CEP131: variants seen among roughly 807,000 people sequenced by gnomAD.
CEP131 encodes centrosomal protein of 131 kDa.
CEP131 carries 99 observed loss-of-function variants against 136.8 expected under a neutral mutation model. The ratio of observed to expected loss-of-function variants is 0.72; its 90% CI spans 0.62 to 0.86. The LOEUF is 0.86. Ranked by LOEUF, CEP131 falls within the 40% of genes least tolerant of loss-of-function variation. The pLI, the probability that CEP131 is intolerant of heterozygous loss-of-function variation, is 0.00. For missense variants in CEP131, 1,459 were observed against 1,463.0 expected (o/e 1.00, Z 0.04); for synonymous variants, 646 against 612.7 (o/e 1.05, Z -0.80).
At position 81,202,215 on chromosome 17, in the gene CEP131, C is replaced by T. The variant is rs577400492; in HGVS notation, c.788+25G>A. The T allele has an allele frequency of 8.4e-6, 13 of 1,546,404 alleles. No individual in the cohort carries two copies. In the East Asian group the frequency reaches 2.6e-4, roughly 32 times the overall value. On this transcript the variant is annotated intron_variant, in intron 7 of 25. Transcript: ENST00000450824. ...CCTCTGTGTTCTAGGCTCAGGCCCCCCCCCACCGCCCCAAGATCGGTCACC... is the reference window on the plus strand; with the variant it reads ...CCTCTGTGTTCTAGGCTCAGGCCCCTCCCCACCGCCCCAAGATCGGTCACC...
At chr17:81,205,476 A>G (rs1598300171) in intron 5 of CEP131, among the ~76,000 whole-genome samples, 1 of 6,050 alleles carries the variant, frequency 1.7e-4, no homozygotes, top group Non-Finnish European at 3.2e-4. Flanking sequence ...GCGCGGGGGT[A>G]GGAGGGGCAG....
At chr17:81,216,856 C>T (rs966960453) in intron 2 of CEP131, among the ~76,000 whole-genome samples, 1 of 152,194 alleles carries the variant, frequency 6.6e-6, no homozygotes, top group Non-Finnish European at 1.5e-5. Flanking sequence ...CTCCATTTTC[C>T]TGGGGTCAGT....
rs1212640437 is a variant in CEP131 at position 81,221,129 on chromosome 17, A to AC, written c.-17-1057_-17-1056insG. 4.0e-5 allele frequency among the ~76,000 whole-genome samples: 6 copies of AC among 150,750 alleles called. No homozygotes were observed. The East Asian group carries it at 1.2e-3, about 30-fold the overall frequency. On this transcript the variant is annotated intron_variant, in intron 1 of 25. Coordinates refer to ENST00000450824, the MANE Select transcript of CEP131 (RefSeq NM_014984.4). ...AACATAGCGAGACTCCATCTCAAAA[A>AC]AAAAAAAAAAAAAAAAACGCGGGAG...
intron 2 of CEP131, among the ~76,000 whole-genome samples, chr17:81,210,291 G>A (rs1344627875): frequency 1.3e-5 from 2 of 152,190 alleles, no homozygotes; most frequent in African/African-American, 2.4e-5. Flanking sequence ...GATGGAGACC[G>A]CCGGGCGCGG....
intron 5 of CEP131, among the ~76,000 whole-genome samples, chr17:81,204,846 A>G (rs1236104432): frequency 2.0e-5 from 3 of 152,190 alleles, no homozygotes; most frequent in Non-Finnish European, 2.9e-5. Context: ...ACAAACGTTC[A>G]ACAGCTGGTT....
chr17:81,191,968 G>C (rs932600011), intron 21 of CEP131, among the ~76,000 whole-genome samples: 1 of 152,112 alleles, frequency 6.6e-6, no homozygotes, highest in African/African-American at 2.4e-5. Context: ...CAGAGGCTAA[G>C]GGGGGAGCCC....
rs1567850713 is a variant in CEP131 at position 81,194,056 on chromosome 17, C to T, written c.2191G>A (p.Glu731Lys). ...QEVRRLKSLH[E>K]AELLQSDERA... is the part of the protein sequence containing the mutation. ...TCATCCGACTGCAGCAGCTCCGCCT[C>T]GTGCAGGCTCTTGAGCCTCCGCACT... The change falls in exon 18 of 26, where the codon GAG (glutamate) becomes AAG (lysine). Residue 731 changes from glutamate to lysine, a missense_variant. Physicochemically the swap from Glu to Lys is moderately conservative, Grantham distance 56. This residue lies in a region of CEP131 where 1,026 missense variants were observed against 964.2 expected (regional missense o/e 1.06). Coordinates refer to ENST00000450824, the MANE Select transcript of CEP131 (RefSeq NM_014984.4). The T allele has an allele frequency of 6.3e-6, 10 of 1,584,746 alleles. No homozygotes were observed. The highest frequency in any genetic ancestry group is 1.7e-4 in the Middle Eastern group (1 of 5,960).
At position 81,215,190 on chromosome 17, in the gene CEP131, G is replaced by A. The variant is rs1029466664; in HGVS notation, c.177+4690C>T. Reference sequence around the variant, plus strand: ...CTCACTGCAGCCTCAAACTTTCTGGGTTCAAGCCATCCTCCTGCCCCAGCC... The same window carrying A: ...CTCACTGCAGCCTCAAACTTTCTGGATTCAAGCCATCCTCCTGCCCCAGCC... On this transcript the variant is annotated intron_variant, in intron 2 of 25. Coordinates refer to ENST00000450824, the MANE Select transcript of CEP131 (RefSeq NM_014984.4). This position sits in a 1 kb window ranked among gnomAD's most constrained non-coding sequence, Gnocchi z 4.1. Among the ~76,000 whole-genome samples the A allele has an allele frequency of 2.0e-5, 3 of 151,892 alleles. No homozygotes were observed. Among genetic ancestry groups the A allele is most frequent in the African/African-American group, 7.3e-5 (3 of 41,332 alleles).
At chr17:81,197,992 T>C in intron 12 of CEP131, 104 bp from the exon 13 acceptor site, 1 of 1,510,222 alleles carries the variant, frequency 6.6e-7, no homozygotes, top group Non-Finnish European at 8.8e-7. Context: ...GGAGGGAGGG[T>C]TGTGACTAAA....
In CEP131 at chr17:81,198,235, G is replaced by C; in HGVS notation, c.1350C>G (p.Ser450Arg). 1 of 1,602,184 alleles carries C rather than the reference G, an allele frequency of 6.2e-7. No individual in the cohort carries two copies. Among genetic ancestry groups the C allele is most frequent in the Non-Finnish European group, 8.5e-7 (1 of 1,174,582 alleles). ...CCTCCAGTGGCCCCCTGGACTTGGC[G>C]CTCCCCCTGCTCGGGGCCATCATCT... Reference protein sequence around the residue: ...NLEMMAPSRGSAKSRGPLEEL... With the variant: ...NLEMMAPSRGRAKSRGPLEEL... The change falls in exon 12 of 26, where the codon AGC (serine) becomes AGG (arginine). Residue 450 changes from serine to arginine, a missense_variant. Transcript: ENST00000450824.
intron 16 of CEP131, among the ~76,000 whole-genome samples, chr17:81,195,347 C>G (rs1471002129): frequency 6.6e-6 from 1 of 152,210 alleles, no homozygotes; most frequent in Admixed American, 6.5e-5. Context: ...TTTTAAAATG[C>G]CAGTGCCAAG....
Position 81,208,828 on chromosome 17 carries a change from C to A in CEP131, c.272+100G>T. On this transcript the variant is annotated intron_variant, in intron 3 of 25. Transcript: ENST00000450824. This position sits in a 1 kb window ranked among gnomAD's most constrained non-coding sequence, Gnocchi z 5.6. The stretch of plus-strand genomic sequence containing the variant: ...CAGCAAGGGCCCGGGACCCAGGAGG[C>A]TGGAGGAAGGGCAGAGCAGAGGCAG... 4 of 937,306 alleles carry A rather than the reference C, an allele frequency of 4.3e-6. No individual in the cohort carries two copies. In the South Asian group the frequency reaches 4.5e-5, roughly 11 times the overall value. The allele number at this position is 937,306 out of a possible 1,614,324, so 58.1% of individuals were successfully genotyped here. A position where few individuals can be genotyped will look rare whatever the true frequency, so the allele number is the denominator to read the frequency against.
rs1220820590 is a variant in CEP131, at chr17:81,194,963, T to G, written c.2026A>C (p.Lys676Gln). 1 of 1,610,838 alleles carries G rather than the reference T, an allele frequency of 6.2e-7. No individual in the cohort carries two copies. Among genetic ancestry groups the G allele is most frequent in the Non-Finnish European group, 8.5e-7 (1 of 1,179,654 alleles). The change falls in exon 17 of 26, where the codon AAA becomes CAA. Residue 676 changes from lysine (K) to glutamine (Q), a missense_variant. Physicochemically the swap from Lys to Gln is moderately conservative, Grantham distance 53 (BLOSUM62 1). Around this residue, in one of 3 missense-constraint regions of CEP131, gnomAD observed 1,026 missense variants for 964.2 expected, o/e 1.06. Transcript: ENST00000450824. ...AQAQHELEIKKLKELMSATEK... is the reference protein window; with the variant it reads ...AQAQHELEIKQLKELMSATEK... ...GTGGCGCTCATTAATTCTTTGAGTT[T>G]TTTAATCTCCTACGAGCAGAACAGG...
intron 18 of CEP131, 134 bp downstream of exon 18, chr17:81,193,792 G>A: frequency 9.9e-7 from 1 of 1,013,070 alleles, no homozygotes; most frequent in African/African-American, 1.7e-5. Flanking sequence ...CCAGGGCCAA[G>A]GGCCCTGCGT....
Position 81,215,924 on chromosome 17 carries a change from T to C in CEP131, c.177+3956A>G, listed in dbSNP as rs555028577. On this transcript the variant is annotated intron_variant, in intron 2 of 25. Coordinates refer to ENST00000450824, the MANE Select transcript of CEP131 (RefSeq NM_014984.4). This position sits in a 1 kb window ranked among gnomAD's most constrained non-coding sequence, Gnocchi z 4.1. The stretch of plus-strand genomic sequence containing the variant: ...ACTATTGTCAGCTGCTACAAAACAA[T>C]GTAAGGAAAGCGGGAGCAGGGTCAG... Among the ~76,000 whole-genome samples, 2 of 152,054 alleles carry C rather than the reference T, an allele frequency of 1.3e-5. No individual in the cohort carries two copies. The highest frequency in any genetic ancestry group is 4.8e-5 in the African/African-American group (2 of 41,476).
At chr17:81,200,114 G>A in intron 8 of CEP131, 1 of 608,046 alleles carries the variant, frequency 1.6e-6, no homozygotes, top group Non-Finnish European at 2.9e-6. Context: ...GATGGACCCA[G>A]CAGGCGTTTC....
intron 16 of CEP131, 41 bp downstream of exon 16, chr17:81,195,794 G>A (rs773206835): frequency 1.9e-6 from 3 of 1,557,178 alleles, no homozygotes; most frequent in South Asian, 1.1e-5. Context: ...TGGCCTGTGA[G>A]CCGGGCTTGG....
intron 19 of CEP131, 51 bp downstream of exon 19, chr17:81,192,685 G>GGGGGGCC: frequency 6.3e-6 from 3 of 478,436 alleles, no homozygotes; most frequent in Non-Finnish European, 1.2e-5. Flanking sequence ...GGGGGGAGGG[G>GGGGGGCC]TCAGCCAGCG....
At position 81,199,533 on chromosome 17, in the gene CEP131, C is replaced by G. The variant is rs1356218026; in HGVS notation, c.1040G>C (p.Arg347Pro). The G allele has an allele frequency of 1.9e-6, 3 of 1,606,728 alleles. No individual in the cohort carries two copies. Among genetic ancestry groups the G allele is most frequent in the Admixed American group, 1.7e-5 (1 of 59,470 alleles). Residue 347 changes from arginine (R) to proline (P), a missense_variant, in exon 10 of 26, where the codon CGA becomes CCA. Physicochemically the swap from Arg to Pro is moderately radical, Grantham distance 103. Coordinates refer to ENST00000450824, the MANE Select transcript of CEP131 (RefSeq NM_014984.4). ...RAAIQELQQK[R>P]ALRAQKASTA... is the part of the protein sequence containing the mutation. ...GCTCGCCTTCTGGGCTCTCAGGGCT[C>G]GTTTCTGTTGCAGCTCCTGCAGTGG...
Sources: allele counts gnomAD v4.1 joint callset (sites outside exome capture counted in the v4.1 genomes callset), GRCh38; gene constraint gnomAD v4.1.1; regional missense constraint gnomAD v4.1.1; non-coding constraint Gnocchi (gnomAD v3.1); transcripts MANE v1.5; gene names NCBI Gene and HGNC (gene_info 2026-07-23, HGNC 2026-07-21).